XRRA1: variants seen among roughly 807,000 people sequenced by gnomAD.
XRRA1 encodes the protein X-ray radiation resistance associated 1.
XRRA1 carries 69 observed loss-of-function variants against 80.2 expected under a neutral mutation model. The observed-to-expected ratio is 0.86, with a 90% CI of 0.71 to 1.05. XRRA1 has a LOEUF of 1.05. XRRA1 is among the 50% of genes least tolerant of loss of function. The pLI is 0.00. For missense variants in XRRA1, 967 were observed against 976.4 expected, an observed-to-expected ratio of 0.99 and a Z score of 0.13; for synonymous variants, 348 against 389.9, an observed-to-expected ratio of 0.89 and a Z score of 1.27.
intron 4 of XRRA1, among the ~76,000 whole-genome samples, chr11:74,934,791 TAGAA>T: frequency 6.6e-6 from 1 of 151,932 alleles, no homozygotes; most frequent in South Asian, 2.1e-4. Flanking sequence ...CTACGACAAA[TAGAA>T]AGCAGATTTT....
intron 6 of XRRA1, among the ~76,000 whole-genome samples, chr11:74,929,128 C>T (rs1334747301): frequency 6.6e-6 from 1 of 152,190 alleles, no homozygotes; most frequent in Non-Finnish European, 1.5e-5. Context: ...AATCTTCAAA[C>T]TCAATGCAAC....
At chr11:74,924,473 CAAAA>C in intron 7 of XRRA1, among the ~76,000 whole-genome samples, 1 of 96,140 alleles carries the variant, frequency 1.0e-5, no homozygotes, top group Non-Finnish European at 2.3e-5. Flanking sequence ...AACTCCGTCT[CAAAA>C]AAAAAAAAAA....
intron 11 of XRRA1, among the ~76,000 whole-genome samples, chr11:74,862,631 G>C (rs958236879): frequency 1.3e-5 from 2 of 152,196 alleles, no homozygotes; most frequent in African/African-American, 2.4e-5. Context: ...AGGAGCTGCT[G>C]GTAGCAGCCC....
chr11:74,934,478 T>C (rs1944449626), intron 4 of XRRA1, among the ~76,000 whole-genome samples: 1 of 152,192 alleles, frequency 6.6e-6, no homozygotes, highest in Admixed American at 6.5e-5. Context: ...GGAAGCCAAG[T>C]AGCAAGTACG....
chr11:74,941,073 C>T (rs996163101), intron 2 of XRRA1, among the ~76,000 whole-genome samples, 191 bp from the exon 3 acceptor site: 1 of 152,120 alleles, frequency 6.6e-6, no homozygotes, highest in Non-Finnish European at 1.5e-5. Flanking sequence ...AGAAACAAGA[C>T]CCTGGGTTTT....
At chr11:74,873,471 C>G (rs1442660827) in intron 10 of XRRA1, among the ~76,000 whole-genome samples, 1 of 152,182 alleles carries the variant, frequency 6.6e-6, no homozygotes, top group Non-Finnish European at 1.5e-5. Flanking sequence ...CATCCTGACT[C>G]TCAATACCTG....
At chr11:74,931,119 T>C (rs1943444841) in intron 5 of XRRA1, among the ~76,000 whole-genome samples, 1 of 124,852 alleles carries the variant, frequency 8.0e-6, no homozygotes, top group Non-Finnish European at 1.7e-5. Context: ...CATATCTTTT[T>C]TTATGCTTAT....
intron 12 of XRRA1, among the ~76,000 whole-genome samples, chr11:74,856,435 T>A (rs1380043115): frequency 6.6e-6 from 1 of 152,198 alleles, no homozygotes; most frequent in Non-Finnish European, 1.5e-5. Flanking sequence ...ATCATAACTT[T>A]TCTTGAGTCC....
intron 8 of XRRA1, among the ~76,000 whole-genome samples, chr11:74,912,729 C>T (rs191255128): frequency 1.1e-4 from 17 of 152,262 alleles, no homozygotes; most frequent in Non-Finnish European, 2.4e-4. Flanking sequence ...GAGCCATGGC[C>T]TCTCATTCAG....
chr11:74,896,532 G>A (rs1020206997), intron 10 of XRRA1, among the ~76,000 whole-genome samples: 1 of 139,850 alleles, frequency 7.2e-6, no homozygotes, highest in Non-Finnish European at 1.6e-5. Flanking sequence ...AATTGCTAAG[G>A]TGCTTGACTC....
At chr11:74,887,542 G>T (rs542886956) in intron 10 of XRRA1, among the ~76,000 whole-genome samples, 1 of 152,348 alleles carries the variant, frequency 6.6e-6, no homozygotes, top group East Asian at 1.9e-4. Flanking sequence ...GAGGTACGGG[G>T]TTCATCTCAC....
intron 8 of XRRA1, among the ~76,000 whole-genome samples, chr11:74,910,228 G>C (rs1295805116): frequency 3.9e-5 from 6 of 152,112 alleles, no homozygotes; most frequent in African/African-American, 1.4e-4. Context: ...TTAACAAACT[G>C]TGTGTGTGTA....
At chr11:74,918,385 A>T (rs937784563) in intron 8 of XRRA1, among the ~76,000 whole-genome samples, 1 of 152,052 alleles carries the variant, frequency 6.6e-6, no homozygotes, top group Non-Finnish European at 1.5e-5. Context: ...AGTTTTTAGG[A>T]TATAAAATAT....
chr11:74,893,529 T>G (rs867390190), intron 10 of XRRA1, among the ~76,000 whole-genome samples: 2 of 151,326 alleles, frequency 1.3e-5, no homozygotes, highest in African/African-American at 4.9e-5. Flanking sequence ...GTTGTGCACA[T>G]GTACCCTAAA....
intron 10 of XRRA1, among the ~76,000 whole-genome samples, chr11:74,869,506 T>C (rs1182677371): frequency 6.6e-6 from 1 of 152,134 alleles, no homozygotes; most frequent in South Asian, 2.1e-4. Context: ...GTTGTGCCAA[T>C]AGAAAAGGGC....
At position 74,907,668 on chromosome 11, in the gene XRRA1, G is replaced by C. The variant is rs190603551; in HGVS notation, c.657-395C>G. ...ACTCCTTGTTATGCTGTGTCACCTA[G>C]TAGACTGGTAACTGGGAGCACCAGG... is the stretch of plus-strand genomic sequence containing the variant. On this transcript the variant is annotated intron_variant, in intron 8 of 18. Transcript: ENST00000684022. 2.0e-5 allele frequency among the ~76,000 whole-genome samples: 3 copies of C among 152,298 alleles called. No homozygotes were observed. The East Asian group carries it at 5.8e-4, about 29-fold the overall frequency.
Position 74,842,011 on chromosome 11 carries a change from T to C in XRRA1, c.*1189A>G, listed in dbSNP as rs1454821352. 2.6e-5 allele frequency: 4 copies of C among 152,234 alleles called. No homozygotes were observed. The highest frequency in any genetic ancestry group is 7.2e-5 in the African/African-American group (3 of 41,454). 9.4% of individuals were successfully genotyped at this position (152,234 alleles called of 1,614,324 possible). A position where few individuals can be genotyped will look rare whatever the true frequency, so the allele number is the denominator to read the frequency against. On this transcript the variant is annotated 3_prime_UTR_variant, in exon 19 of 19. Transcript: ENST00000684022. Reference sequence around the variant, plus strand: ...ATTTAAATGCCAACGAATAGTTTTTTTTTTTTTGAACCTGATACACTGTTT... The same window carrying C: ...ATTTAAATGCCAACGAATAGTTTTTCTTTTTTTGAACCTGATACACTGTTT...
At position 74,848,169 on chromosome 11, in the gene XRRA1, T is replaced by C; in HGVS notation, c.1674A>G (p.Pro558=). 1 of 1,613,596 alleles carries C rather than the reference T, an allele frequency of 6.2e-7. No individual in the cohort carries two copies. Among genetic ancestry groups the C allele is most frequent in the Non-Finnish European group, 8.5e-7 (1 of 1,179,880 alleles). ...TGGAGTCCTCATCTGATGGGCGCTC[T>C]GGGCTGAGGCGGACAGTTGTGTCAC... The part of the protein sequence containing the change: ...HLSDTTVRLS[P]ERPSDEDSKS... The change falls in exon 15 of 19, where the codon CCA becomes CCG. Residue 558 remains proline (P), a synonymous_variant. Coordinates refer to ENST00000684022, the MANE Select transcript of XRRA1 (RefSeq NM_001378157.1).
intron 10 of XRRA1, among the ~76,000 whole-genome samples, chr11:74,905,755 T>C (rs2054453104): frequency 6.6e-6 from 1 of 152,162 alleles, no homozygotes; most frequent in African/African-American, 2.4e-5. Context: ...CTCAGAGATC[T>C]GGGTCTCAGC....
Sources: allele counts gnomAD v4.1 joint callset (sites outside exome capture counted in the v4.1 genomes callset), GRCh38; gene constraint gnomAD v4.1.1; transcripts MANE v1.5; gene names NCBI Gene and HGNC (gene_info 2026-07-23, HGNC 2026-07-21).